CSMD3: variants seen among roughly 807,000 people sequenced by gnomAD.
CSMD3 encodes CUB and sushi domain-containing protein 3.
In CSMD3, 177 loss-of-function variants were observed where a neutral mutation model predicts 435.2. That is an observed-to-expected ratio of 0.41 (90% CI 0.36 to 0.46). CSMD3 has a LOEUF of 0.46. Among genes scored for constraint, CSMD3 ranks in the 20% least tolerant of loss-of-function variants. CSMD3 has a pLI of 0.34. For synonymous variants in CSMD3, 1,656 were observed against 1,520.5 expected, an observed-to-expected ratio of 1.09 and a Z score of -2.07; for missense variants, 4,265 against 4,504.6, an observed-to-expected ratio of 0.95 and a Z score of 1.52.
At chr8:112,405,197 A>C (rs1330701590) in intron 35 of CSMD3, among the ~76,000 whole-genome samples, 1 of 41,378 alleles carries the variant, frequency 2.4e-5, no homozygotes, top group Non-Finnish European at 5.0e-5. Context: ...AAAAAAAAAA[A>C]AAAAAAAAAA....
intron 22 of CSMD3, among the ~76,000 whole-genome samples, chr8:112,587,970 A>T (rs2131357855): frequency 6.6e-6 from 1 of 152,042 alleles, no homozygotes; most frequent in South Asian, 2.1e-4. Context: ...AGAATTTCTC[A>T]ACAAATTTAG....
chr8:113,100,671 A>T (rs2131554907), intron 4 of CSMD3, among the ~76,000 whole-genome samples: 1 of 152,288 alleles, frequency 6.6e-6, no homozygotes, highest in Non-Finnish European at 1.5e-5. Flanking sequence ...AAGTATATGA[A>T]GTAAGGCATA....
At chr8:112,832,309 G>A (rs191688318) in intron 11 of CSMD3, among the ~76,000 whole-genome samples, 75 of 152,036 alleles carry the variant, frequency 4.9e-4, no homozygotes, top group African/African-American at 1.4e-3. Context: ...TGAAAATGAC[G>A]GATTATCAAT....
intron 11 of CSMD3, among the ~76,000 whole-genome samples, chr8:112,850,709 T>C (rs1472740317): frequency 2.6e-5 from 4 of 152,196 alleles, no homozygotes; most frequent in Non-Finnish European, 5.9e-5. Context: ...AATTGAATCT[T>C]TAGTATCAAC....
intron 27 of CSMD3, 27 bp downstream of exon 27, chr8:112,550,644 T>C (rs1229007263): frequency 5.4e-6 from 7 of 1,291,064 alleles, no homozygotes; most frequent in Non-Finnish European, 7.9e-6. Flanking sequence ...CTATTTTGCA[T>C]TGAAGAAATT....
chr8:112,486,099 G>C (rs1820105957), intron 31 of CSMD3, among the ~76,000 whole-genome samples: 1 of 146,902 alleles, frequency 6.8e-6, no homozygotes, highest in Non-Finnish European at 1.5e-5. Context: ...CATTTAAGAT[G>C]AAAAATTCTA....
chr8:112,784,755 A>G lies in CSMD3; in HGVS notation c.1972+15407T>C, dbSNP rs77261055. Among the ~76,000 whole-genome samples the G allele has an allele frequency of 8.6e-3, 1,304 of 152,204 alleles. 18 individuals carry two copies. Among genetic ancestry groups the G allele is most frequent in the African/African-American group, 0.029 (1,223 of 41,564 alleles). On this transcript the variant is annotated intron_variant, in intron 13 of 70. Coordinates refer to ENST00000297405, the MANE Select transcript of CSMD3 (RefSeq NM_198123.2). ...CTTAATACACCAATAACAAGTAATGAGATTGTGGCCATAATAAAATGTCTT... is the reference window on the plus strand; with the variant it reads ...CTTAATACACCAATAACAAGTAATGGGATTGTGGCCATAATAAAATGTCTT...
rs545186678 is a variant in CSMD3, at chr8:112,419,392, T to C, written c.5396-10360A>G. On this transcript the variant is annotated intron_variant, in intron 32 of 70. Coordinates refer to ENST00000297405, the MANE Select transcript of CSMD3 (RefSeq NM_198123.2). ...AAATAAATATGTGAAAATCTTAATA[T>C]GTATTGCTATTTTGTAGTAATTAGG... 2.9e-4 allele frequency among the ~76,000 whole-genome samples: 44 copies of C among 152,314 alleles called. 1 individual carries two copies. Among genetic ancestry groups the C allele is most frequent in the African/African-American group, 1.0e-3 (42 of 41,574 alleles).
chr8:113,267,595 T>C (rs2093481829), intron 3 of CSMD3, among the ~76,000 whole-genome samples: 1 of 151,040 alleles, frequency 6.6e-6, no homozygotes, highest in African/African-American at 2.4e-5. Context: ...CTTGGAAGGG[T>C]GAATGGGGAA....
At chr8:112,920,102 A>G (rs1395340892) in intron 10 of CSMD3, among the ~76,000 whole-genome samples, 1 of 151,908 alleles carries the variant, frequency 6.6e-6, no homozygotes, top group Non-Finnish European at 1.5e-5. Flanking sequence ...GTACGACATG[A>G]TGAGGTATTC....
intron 45 of CSMD3, among the ~76,000 whole-genome samples, chr8:112,332,664 G>T (rs968350324): frequency 2.6e-5 from 4 of 151,948 alleles, no homozygotes; most frequent in African/African-American, 9.7e-5. Context: ...TTAAAATTTG[G>T]GTAGAATCTC....
rs1355700703 is a variant in CSMD3, at chr8:113,249,515, A to T, written c.514+29077T>A. On this transcript the variant is annotated intron_variant, in intron 3 of 70. Transcript: ENST00000297405. ...CAGTTGTACATATTATAAGGAATCA[A>T]TTTTTTATTGTGAATTTTTCTATTT... Among the ~76,000 whole-genome samples the T allele has an allele frequency of 2.0e-5, 3 of 152,140 alleles. No individual in the cohort carries two copies. In the East Asian group the frequency reaches 5.8e-4, roughly 29 times the overall value.
At chr8:113,201,579 C>A (rs1479295438) in intron 3 of CSMD3, among the ~76,000 whole-genome samples, 1 of 151,942 alleles carries the variant, frequency 6.6e-6, no homozygotes, top group Non-Finnish European at 1.5e-5. Flanking sequence ...TTCACTTAAT[C>A]TAAAAACAAT....
chr8:112,623,169 C>T (rs969686037), intron 22 of CSMD3, among the ~76,000 whole-genome samples: 5 of 152,120 alleles, frequency 3.3e-5, no homozygotes. Flanking sequence ...GAAGTGTTTG[C>T]TCCACATTGA....
chr8:112,926,448 T>A (rs1288861918), intron 9 of CSMD3, among the ~76,000 whole-genome samples: 1 of 152,110 alleles, frequency 6.6e-6, no homozygotes, highest in African/African-American at 2.4e-5. Flanking sequence ...TCAAAACAAA[T>A]GGCTGAGCAC....
chr8:112,474,034 A>G (rs1313358374), intron 31 of CSMD3, among the ~76,000 whole-genome samples: 3 of 152,128 alleles, frequency 2.0e-5, no homozygotes, highest in Non-Finnish European at 4.4e-5. Context: ...GGAAGGACAG[A>G]GTACAATTTA....
At chr8:112,986,238 A>G (rs2085250254) in intron 6 of CSMD3, among the ~76,000 whole-genome samples, 1 of 152,176 alleles carries the variant, frequency 6.6e-6, no homozygotes, top group Non-Finnish European at 1.5e-5. Context: ...TTTCTTTTCT[A>G]TCTGAAATTA....
intron 5 of CSMD3, among the ~76,000 whole-genome samples, chr8:113,047,934 G>GT (rs1447658144): frequency 6.6e-6 from 1 of 151,882 alleles, no homozygotes; most frequent in Non-Finnish European, 1.5e-5. Flanking sequence ...AATTAGGTCT[G>GT]TATCTTATAA....
intron 3 of CSMD3, among the ~76,000 whole-genome samples, chr8:113,193,713 G>T (rs2092616559): frequency 6.6e-6 from 1 of 151,382 alleles, no homozygotes; most frequent in Non-Finnish European, 1.5e-5. Flanking sequence ...ATTGGAAATT[G>T]CATAAATAAA....
Sources: allele counts gnomAD v4.1 joint callset (sites outside exome capture counted in the v4.1 genomes callset), GRCh38; gene constraint gnomAD v4.1.1; transcripts MANE v1.5; gene names NCBI Gene and HGNC (gene_info 2026-07-23, HGNC 2026-07-21).